PLK1: variants seen among roughly 807,000 people sequenced by gnomAD.
PLK1 encodes polo like kinase 1, also known as serine/threonine-protein kinase PLK1.
PLK1 carries 6 observed loss-of-function variants against 56.7 expected under a neutral mutation model. The observed-to-expected ratio is 0.11, with a 90% CI of 0.06 to 0.21. The LOEUF is 0.21. Among genes scored for constraint, PLK1 ranks in the 10% least tolerant of loss-of-function variants. PLK1 has a pLI of 1.00. For missense variants in PLK1, 546 were observed against 814.4 expected (o/e 0.67, Z 4.01); for synonymous variants, 298 against 325.0 (o/e 0.92, Z 0.89).
In PLK1 at chr16:23,678,918, C is replaced by T. The variant is rs780179048; in HGVS notation, c.-15C>T. ...GCTCTGCTCGGATCGAGGTCTGCAGCGCAGCTTCGGGAGCATGAGTGCTGC... is the reference window on the plus strand; with the variant it reads ...GCTCTGCTCGGATCGAGGTCTGCAGTGCAGCTTCGGGAGCATGAGTGCTGC... On this transcript the variant is annotated 5_prime_UTR_variant, in exon 1 of 10. Transcript: ENST00000300093. 2.0e-6 allele frequency: 3 copies of T among 1,496,930 alleles called. No homozygotes were observed. Among genetic ancestry groups the T allele is most frequent in the Non-Finnish European group, 2.7e-6 (3 of 1,121,008 alleles). 92.7% of individuals were successfully genotyped at this position (1,496,930 alleles called of 1,614,324 possible).
At chr16:23,684,705 C>T (rs12596465) in intron 5 of PLK1, among the ~76,000 whole-genome samples, 116 of 151,892 alleles carry the variant, frequency 7.6e-4, no homozygotes, top group African/African-American at 2.7e-3. Context: ...TAAAAATTTC[C>T]TTTTTTTTGT....
At chr16:23,688,185 G>T (rs950266449) in intron 6 of PLK1, among the ~76,000 whole-genome samples, 3 of 152,168 alleles carry the variant, frequency 2.0e-5, no homozygotes, top group Non-Finnish European at 2.9e-5. Context: ...ATTTTGATGT[G>T]TTTGCAACTG....
Position 23,689,164 on chromosome 16 carries a change from A to G in PLK1, c.1271-74A>G. Reference sequence around the variant, plus strand: ...CTCCCAAAGTGCTGGAATCACAGGCATGTGCCACCACGCCCGGTCCCACTC... The same window carrying G: ...CTCCCAAAGTGCTGGAATCACAGGCGTGTGCCACCACGCCCGGTCCCACTC... On this transcript the variant is annotated intron_variant, in intron 7 of 9. Transcript: ENST00000300093. This position sits in a 1 kb window ranked among gnomAD's most constrained non-coding sequence, Gnocchi z 4.8. The G allele has an allele frequency of 1.5e-6, 2 of 1,350,344 alleles. No homozygotes were observed. The highest frequency in any genetic ancestry group is 2.3e-5 in the East Asian group (1 of 43,138). 83.6% of individuals were successfully genotyped at this position (1,350,344 alleles called of 1,614,324 possible).
intron 5 of PLK1, 58 bp from the exon 6 acceptor site, chr16:23,687,411 G>T: frequency 7.2e-7 from 1 of 1,381,374 alleles, no homozygotes; most frequent in East Asian, 2.6e-5. Context: ...AAGAGTTTCA[G>T]CTGTGGCAGG....
intron 6 of PLK1, 191 bp downstream of exon 6, chr16:23,687,815 T>C: frequency 2.5e-6 from 1 of 402,962 alleles, no homozygotes; most frequent in East Asian, 3.6e-5. Flanking sequence ...CCGTCTTTTT[T>C]ACTCTAGCAC....
intron 5 of PLK1, among the ~76,000 whole-genome samples, chr16:23,684,982 T>C (rs1226867089): frequency 1.6e-5 from 2 of 126,870 alleles, no homozygotes; most frequent in East Asian, 4.5e-4. Flanking sequence ...TTTTTTTTTT[T>C]TTTTTTTTTT....
In PLK1 at chr16:23,688,691, A is replaced by T. The variant is rs565735478; in HGVS notation, c.1216A>T (p.Ile406Phe). ...RQEEAEDPAC[I>F]PIFWVSKWVD... ...AGAGGAGGCTGAGGATCCTGCCTGCATCCCCATCTTCTGGGTCAGCAAGTG... is the reference window on the plus strand; with the variant it reads ...AGAGGAGGCTGAGGATCCTGCCTGCTTCCCCATCTTCTGGGTCAGCAAGTG... The change falls in exon 7 of 10, where the codon ATC becomes TTC. Residue 406 changes from isoleucine (I) to phenylalanine (F), a missense_variant. By Grantham distance (21) the Ile-to-Phe change is conservative (BLOSUM62 0). Transcript: ENST00000300093. The T allele has an allele frequency of 5.3e-5, 85 of 1,614,042 alleles. No homozygotes were observed. Among genetic ancestry groups the T allele is most frequent in the Admixed American group, 8.3e-5 (5 of 60,030 alleles).
intron 5 of PLK1, among the ~76,000 whole-genome samples, chr16:23,685,374 G>A (rs902125957): frequency 8.6e-5 from 13 of 152,008 alleles, no homozygotes; most frequent in African/African-American, 3.1e-4. Flanking sequence ...AACATCCTGG[G>A]CTCAAACAGT....
At position 23,684,099 on chromosome 16, in the gene PLK1, G is replaced by T; in HGVS notation, c.1036+10G>T. ...ACAGTCCTCAATAAAGGTACAACAA[G>T]GGTCTGGGTAAGAGAGCAGACCCCC... On this transcript the variant is annotated intron_variant, in intron 5 of 9. Transcript: ENST00000300093. The T allele has an allele frequency of 6.2e-7, 1 of 1,609,390 alleles. No homozygotes were observed. The highest frequency in any genetic ancestry group is 8.5e-7 in the Non-Finnish European group (1 of 1,175,728).
chr16:23,679,900 C>T, intron 1 of PLK1, 184 bp from the exon 2 acceptor site: 1 of 568,762 alleles, frequency 1.8e-6, no homozygotes, highest in Admixed American at 3.0e-5. Flanking sequence ...GTCCAGATGC[C>T]GCTGTGCTGG....
chr16:23,682,993 T>C (rs571089226), intron 4 of PLK1, among the ~76,000 whole-genome samples: 44 of 141,122 alleles, frequency 3.1e-4, no homozygotes, highest in Admixed American at 1.1e-3. Flanking sequence ...TTCTTTTTTT[T>C]TTTTTTTTTT....
intron 1 of PLK1, 69 bp from the exon 2 acceptor site, chr16:23,680,015 A>T: frequency 9.1e-7 from 1 of 1,104,104 alleles, no homozygotes; most frequent in South Asian, 1.4e-5. Context: ...TTGCCTGGTA[A>T]CCCTCTCCCT....
At chr16:23,686,063 G>A (rs1959422185) in intron 5 of PLK1, among the ~76,000 whole-genome samples, 1 of 152,138 alleles carries the variant, frequency 6.6e-6, no homozygotes, top group African/African-American at 2.4e-5. Flanking sequence ...ATTTGAGACA[G>A]GGTCTTGCTC....
chr16:23,682,956 C>A (rs1347346123), intron 4 of PLK1, among the ~76,000 whole-genome samples: 2 of 147,172 alleles, frequency 1.4e-5, no homozygotes, highest in African/African-American at 5.0e-5. Flanking sequence ...AATCCCAGGG[C>A]TTCCTAATGG....
rs1959309922 is a variant in PLK1 at position 23,680,263 on chromosome 16, G to A, written c.577+11G>A. On this transcript the variant is annotated intron_variant, in intron 2 of 9. Transcript: ENST00000300093. The stretch of plus-strand genomic sequence containing the variant: ...TGGAGGTGAAAATAGGTGAGTTGCT[G>A]AGCCTGCAGGGGTGCTTGACATCAC... 1.2e-6 allele frequency: 2 copies of A among 1,613,370 alleles called. No individual in the cohort carries two copies. Among genetic ancestry groups the A allele is most frequent in the Middle Eastern group, 3.3e-4 (2 of 6,062 alleles).
chr16:23,680,143 C>T lies in PLK1; in HGVS notation c.468C>T (p.Tyr156=). The change falls in exon 2 of 10, where the codon TAC becomes TAT. Residue 156 remains tyrosine (Y), a synonymous_variant. Transcript: ENST00000300093. ...TGACTGAGCCTGAGGCCCGATACTA[C>T]CTACGGCAAATTGTGCTTGGCTGCC... is the stretch of plus-strand genomic sequence containing the variant. ...KALTEPEARY[Y]LRQIVLGCQY... is the part of the protein sequence containing the mutation. The T allele has an allele frequency of 6.2e-7, 1 of 1,614,002 alleles. No homozygotes were observed. The highest frequency in any genetic ancestry group is 1.1e-5 in the South Asian group (1 of 91,074).
At chr16:23,688,561 T>A in intron 6 of PLK1, 107 bp from the exon 7 acceptor site, 6 of 879,468 alleles carry the variant, frequency 6.8e-6, no homozygotes, top group Non-Finnish European at 1.2e-5. Flanking sequence ...TGAGCCCAGG[T>A]GGGGTGCCCA....
intron 1 of PLK1, chr16:23,679,708 G>A (rs1959301112): frequency 3.6e-6 from 1 of 277,554 alleles, no homozygotes; most frequent in Admixed American, 4.8e-5. Flanking sequence ...GTGGAGCTGG[G>A]TCAGTGGGGG....
intron 5 of PLK1, 93 bp from the exon 6 acceptor site, chr16:23,687,376 G>A (rs993463791): frequency 9.4e-7 from 1 of 1,068,290 alleles, no homozygotes; most frequent in Admixed American, 2.6e-5. Context: ...CAAAGCAGTG[G>A]TAGCTAAGAG....
Sources: gnomAD v4.1 joint callset for allele counts (sites outside exome capture counted in the v4.1 genomes callset) on GRCh38, gnomAD v4.1.1 for gene constraint, Gnocchi (gnomAD v3.1) non-coding constraint, MANE v1.5 for transcripts, NCBI Gene and HGNC (gene_info 2026-07-23, HGNC 2026-07-21) for gene names.